The following RNF150 variants were observed in gnomAD, a reference collection of about 807,000 sequenced individuals.
RNF150 encodes ring finger protein 150.
Under a neutral mutation model 39.3 loss-of-function variants are expected in RNF150, and 24 were observed. The observed-to-expected ratio is 0.61, with a 90% CI of 0.44 to 0.86. The LOEUF (loss-of-function observed/expected upper bound fraction) is 0.86, where lower values mean the gene tolerates loss of function less well. Ranked by LOEUF, RNF150 falls within the 40% of genes least tolerant of loss-of-function variation. The pLI is 0.00. For synonymous variants in RNF150, 255 were observed against 227.3 expected, an observed-to-expected ratio of 1.12 and a Z score of -1.10; for missense variants, 502 against 587.8, an observed-to-expected ratio of 0.85 and a Z score of 1.51.
chr4:140,874,414 T>C (rs928431564), intron 6 of RNF150, among the ~76,000 whole-genome samples: 17 of 152,222 alleles, frequency 1.1e-4, no homozygotes, highest in Admixed American at 6.5e-5. Context: ...TCCTGCTGCA[T>C]TTCTTCATAA....
chr4:140,965,323 G>A (rs1439689667), intron 2 of RNF150, among the ~76,000 whole-genome samples: 5 of 151,976 alleles, frequency 3.3e-5, no homozygotes, highest in African/African-American at 9.7e-5. Flanking sequence ...TAGGGGAAAC[G>A]GTACAGAGGT....
intron 2 of RNF150, among the ~76,000 whole-genome samples, chr4:140,955,880 G>A (rs537978960): frequency 1.9e-4 from 29 of 152,208 alleles, no homozygotes; most frequent in African/African-American, 5.3e-4. Flanking sequence ...TGTGCAATGC[G>A]TGCAAAAGAA....
At chr4:141,068,609 G>A (rs1737556893) in intron 1 of RNF150, among the ~76,000 whole-genome samples, 3 of 151,700 alleles carry the variant, frequency 2.0e-5, no homozygotes, top group Admixed American at 2.0e-4. Context: ...GTCATTGGTA[G>A]CTTGATGGGG....
At chr4:141,167,965 C>T (rs556233326) in intron 1 of RNF150, among the ~76,000 whole-genome samples, 1 of 152,264 alleles carries the variant, frequency 6.6e-6, no homozygotes, top group African/African-American at 2.4e-5. Context: ...GACTAAAGAG[C>T]TTCTGCACAG....
chr4:141,031,867 C>A (rs1032519752), intron 1 of RNF150, among the ~76,000 whole-genome samples: 57 of 152,082 alleles, frequency 3.7e-4, no homozygotes, highest in Middle Eastern at 3.4e-3. Context: ...AAACTATGAT[C>A]TAGCAATCCC....
intron 6 of RNF150, among the ~76,000 whole-genome samples, chr4:140,880,722 G>C (rs570200047): frequency 6.6e-6 from 1 of 151,860 alleles, no homozygotes; most frequent in African/African-American, 2.4e-5. Context: ...CTAGTGATAG[G>C]TTGGTTGAAA....
intron 1 of RNF150, among the ~76,000 whole-genome samples, chr4:140,990,618 A>C (rs1734161350): frequency 6.6e-6 from 1 of 152,226 alleles, no homozygotes; most frequent in Non-Finnish European, 1.5e-5. Flanking sequence ...TAGTTTGCTG[A>C]GGATAATGGC....
chr4:140,914,519 T>C (rs1730739274), intron 5 of RNF150, among the ~76,000 whole-genome samples: 1 of 152,206 alleles, frequency 6.6e-6, no homozygotes, highest in Non-Finnish European at 1.5e-5. Context: ...CAGCAGGATT[T>C]TGTATTCAAT....
intron 1 of RNF150, among the ~76,000 whole-genome samples, chr4:141,032,332 A>G (rs1735980424): frequency 1.3e-5 from 2 of 152,196 alleles, no homozygotes; most frequent in South Asian, 2.1e-4. Context: ...AGCTTCAGTT[A>G]GATAGAAGGA....
At chr4:141,164,312 A>G (rs1727564697) in intron 1 of RNF150, among the ~76,000 whole-genome samples, 1 of 152,146 alleles carries the variant, frequency 6.6e-6, no homozygotes, top group African/African-American at 2.4e-5. Context: ...ATGTGAAAAG[A>G]CCAAACCTAC....
intron 1 of RNF150, among the ~76,000 whole-genome samples, chr4:141,096,190 CTTTTTT>C (rs780868429): frequency 7.4e-5 from 5 of 67,968 alleles, no homozygotes; most frequent in South Asian, 6.0e-4. Context: ...TTTTAGCTTT[CTTTTTT>C]TTTTTTTTTT....
At chr4:141,162,164 G>T (rs1727524706) in intron 1 of RNF150, among the ~76,000 whole-genome samples, 1 of 152,228 alleles carries the variant, frequency 6.6e-6, no homozygotes, top group African/African-American at 2.4e-5. Flanking sequence ...ACACTGTAAA[G>T]CCACAGGGGC....
In RNF150 at chr4:140,865,391, C is replaced by T. The variant is rs998013; in HGVS notation, c.*2870G>A. 97,812 of 152,216 alleles carry T rather than the reference C, an allele frequency of 0.64. 33,305 individuals carry two copies. Among genetic ancestry groups the T allele is most frequent in the East Asian group, 0.84 (4,333 of 5,150 alleles). The allele number at this position is 152,216 out of a possible 1,614,324, so 9.4% of individuals were successfully genotyped here. On this transcript the variant is annotated 3_prime_UTR_variant, in exon 7 of 7. Transcript: ENST00000515673. ...GCACATCTGCAAATACACATACAGTCTGCATTTGCTTCTAGAGGGTACACA... is the reference window on the plus strand; with the variant it reads ...GCACATCTGCAAATACACATACAGTTTGCATTTGCTTCTAGAGGGTACACA...
intron 5 of RNF150, among the ~76,000 whole-genome samples, chr4:140,911,764 T>C (rs557340320): frequency 6.6e-6 from 1 of 152,296 alleles, no homozygotes; most frequent in East Asian, 1.9e-4. Flanking sequence ...TTAAAACTCA[T>C]GTGTTGTTTA....
At chr4:141,170,397 A>C (rs1388083140) in intron 1 of RNF150, among the ~76,000 whole-genome samples, 1 of 152,206 alleles carries the variant, frequency 6.6e-6, no homozygotes, top group Non-Finnish European at 1.5e-5. Flanking sequence ...TGAATGGCTG[A>C]AGGTTGCCTC....
intron 1 of RNF150, among the ~76,000 whole-genome samples, chr4:141,100,767 T>C (rs750581597): frequency 1.3e-5 from 2 of 152,194 alleles, no homozygotes; most frequent in African/African-American, 4.8e-5. Context: ...TAAACCTAGA[T>C]GGAATAGCCT....
rs186193188 is a variant in RNF150 at position 140,962,761 on chromosome 4, A to T, written c.735+4862T>A. ...AAAGTAATACACATTAATCCATTTA[A>T]TCCTCACTGTGACCGTAAGAGAAAG... is the stretch of plus-strand genomic sequence containing the variant. On this transcript the variant is annotated intron_variant, in intron 2 of 6. Transcript: ENST00000515673. Among the ~76,000 whole-genome samples, 848 of 152,090 alleles carry T rather than the reference A, an allele frequency of 5.6e-3. 6 individuals carry two copies. The highest frequency in any genetic ancestry group is 8.3e-3 in the Non-Finnish European group (563 of 67,910).
At chr4:141,094,345 G>T (rs1296746957) in intron 1 of RNF150, among the ~76,000 whole-genome samples, 1 of 152,218 alleles carries the variant, frequency 6.6e-6, no homozygotes, top group East Asian at 1.9e-4. Context: ...GTAGTGACTA[G>T]TAACTGTATA....
chr4:141,128,178 C>T (rs1455700104), intron 1 of RNF150, among the ~76,000 whole-genome samples: 3 of 152,130 alleles, frequency 2.0e-5, no homozygotes, highest in Admixed American at 6.6e-5. Context: ...TCCTGCATGT[C>T]GTTGTGTGTC....
Sources: allele counts gnomAD v4.1 joint callset (sites outside exome capture counted in the v4.1 genomes callset), GRCh38; gene constraint gnomAD v4.1.1; transcripts MANE v1.5; gene names NCBI Gene and HGNC (gene_info 2026-07-23, HGNC 2026-07-21).